Variants in CNTLN observed in about 807,000 individuals in gnomAD.
The protein encoded by CNTLN is centlein.
A neutral mutation model predicts 180.0 loss-of-function variants in CNTLN; 212 were observed. The observed-to-expected ratio is 1.18, with a 90% confidence interval of 1.05 to 1.32. The LOEUF (loss-of-function observed/expected upper bound fraction) is 1.32. Ranked by LOEUF, CNTLN falls within the 40% of genes most tolerant of loss-of-function variation. The probability of loss-of-function intolerance (pLI) is 0.00; values close to 1 mark genes in which losing one functional copy is unlikely to be tolerated. For missense variants in CNTLN, 2,095 were observed against 1,610.9 expected (o/e 1.30, Z -5.14); for synonymous variants, 722 against 563.1 (o/e 1.28, Z -3.99).
At chr9:17,220,091 T>TA (rs1824031061) in intron 2 of CNTLN, among the ~76,000 whole-genome samples, 1 of 152,096 alleles carries the variant, frequency 6.6e-6, no homozygotes, top group Non-Finnish European at 1.5e-5. Flanking sequence ...CCCCCACTCT[T>TA]ACAGTTCTTG....
intron 2 of CNTLN, among the ~76,000 whole-genome samples, chr9:17,212,998 A>G (rs1278808761): frequency 6.6e-6 from 1 of 152,126 alleles, no homozygotes; most frequent in Non-Finnish European, 1.5e-5. Flanking sequence ...ATCTTTTCAA[A>G]AAACCAGCTG....
In CNTLN at chr9:17,298,302, C is replaced by T; in HGVS notation, c.1096C>T (p.Leu366=). 1 of 1,613,222 alleles carries T rather than the reference C, an allele frequency of 6.2e-7. No homozygotes were observed. Among genetic ancestry groups the T allele is most frequent in the Non-Finnish European group, 8.5e-7 (1 of 1,179,706 alleles). ...TCTCAATATGGACACACAAAAAGTACTGAGAAATCAGGAAGATGTTCACAC... is the reference window on the plus strand; with the variant it reads ...TCTCAATATGGACACACAAAAAGTATTGAGAAATCAGGAAGATGTTCACAC... ...QVLNMDTQKV[L]RNQEDVHTAE... is the part of the protein sequence containing the mutation. Residue 366 remains leucine, a synonymous_variant, in exon 7 of 26, where the codon CTG becomes TTG. Coordinates refer to ENST00000380647, the MANE Select transcript of CNTLN (RefSeq NM_017738.4).
At chr9:17,205,600 A>T (rs114837862) in intron 2 of CNTLN, among the ~76,000 whole-genome samples, 2 of 152,174 alleles carry the variant, frequency 1.3e-5, no homozygotes, top group Non-Finnish European at 2.9e-5. Flanking sequence ...AGCTGGCTGA[A>T]CTAGTAGTGG....
At position 17,411,018 on chromosome 9, in the gene CNTLN, TTCTACAAAA is replaced by T. The variant is rs144609403; in HGVS notation, c.2796+1546_2796+1554del. Among the ~76,000 whole-genome samples the T allele has an allele frequency of 8.4e-3, 1,277 of 152,258 alleles. 13 individuals carry two copies. Among genetic ancestry groups the T allele is most frequent in the African/African-American group, 0.028 (1,177 of 41,542 alleles). ...AAAATGAATTTAAAATCAGCTTAAG[TTCTACAAAA>T]ACTTTTTTTGGGATTTTGATAGTGA... On this transcript the variant is annotated intron_variant, in intron 16 of 25. Transcript: ENST00000380647.
chr9:17,317,505 AAAC>A, intron 8 of CNTLN, among the ~76,000 whole-genome samples: 1 of 152,292 alleles, frequency 6.6e-6, no homozygotes, highest in South Asian at 2.1e-4. Context: ...TTAGGGAACA[AAAC>A]AAGGCCTTTG....
intron 2 of CNTLN, among the ~76,000 whole-genome samples, chr9:17,178,367 C>T (rs907171059): frequency 1.2e-4 from 18 of 152,348 alleles, no homozygotes; most frequent in African/African-American, 4.1e-4. Flanking sequence ...ATCCCGCACC[C>T]GGGCCGCAGG....
intron 23 of CNTLN, among the ~76,000 whole-genome samples, chr9:17,473,427 G>T (rs986005250): frequency 5.9e-5 from 9 of 151,794 alleles, no homozygotes; most frequent in Non-Finnish European, 1.3e-4. Context: ...TATTGGGAAT[G>T]AACCATCTGC....
intron 15 of CNTLN, among the ~76,000 whole-genome samples, chr9:17,398,894 A>G (rs1271727054): frequency 6.6e-6 from 1 of 152,228 alleles, no homozygotes; most frequent in African/African-American, 2.4e-5. Flanking sequence ...TAAAAGCAGT[A>G]CATACATTTA....
chr9:17,498,306 A>C (rs1319720198), intron 25 of CNTLN, among the ~76,000 whole-genome samples: 1 of 152,162 alleles, frequency 6.6e-6, no homozygotes, highest in African/African-American at 2.4e-5. Flanking sequence ...AAGCATCTGC[A>C]GTCATCATTT....
chr9:17,304,772 T>C (rs1438504138), intron 7 of CNTLN, among the ~76,000 whole-genome samples: 1 of 152,120 alleles, frequency 6.6e-6, no homozygotes, highest in African/African-American at 2.4e-5. Context: ...TTACATAGTG[T>C]TTACATTGTA....
At chr9:17,384,874 A>T (rs185753978) in intron 13 of CNTLN, among the ~76,000 whole-genome samples, 1 of 152,062 alleles carries the variant, frequency 6.6e-6, no homozygotes, top group Non-Finnish European at 1.5e-5. Context: ...CTAAACTCCA[A>T]TTGGGCAATT....
intron 6 of CNTLN, among the ~76,000 whole-genome samples, chr9:17,275,937 C>A (rs933579599): frequency 1.3e-5 from 2 of 151,976 alleles, no homozygotes; most frequent in African/African-American, 4.8e-5. Context: ...ACATTGGGTA[C>A]CCATCGACAT....
chr9:17,194,378 G>A (rs1430036674), intron 2 of CNTLN, among the ~76,000 whole-genome samples: 1 of 152,136 alleles, frequency 6.6e-6, no homozygotes, highest in Non-Finnish European at 1.5e-5. Context: ...CCTCTTGAAT[G>A]CTTTGCTGCT....
chr9:17,170,895 A>G (rs1204477024), intron 2 of CNTLN, among the ~76,000 whole-genome samples: 1 of 152,110 alleles, frequency 6.6e-6, no homozygotes, highest in African/African-American at 2.4e-5. Flanking sequence ...ACATGCACAA[A>G]TACTTACCAT....
chr9:17,149,504 C>G (rs1373350709), intron 2 of CNTLN, among the ~76,000 whole-genome samples: 1 of 137,502 alleles, frequency 7.3e-6, no homozygotes, highest in Non-Finnish European at 1.6e-5. Context: ...TTTTTATTTT[C>G]TTTCTTTCTT....
At chr9:17,301,007 A>G (rs1444003159) in intron 7 of CNTLN, 2 of 984,376 alleles carry the variant, frequency 2.0e-6, no homozygotes, top group African/African-American at 1.7e-5. Flanking sequence ...AGAATGATGT[A>G]TGTTGTAATA....
At chr9:17,473,494 C>T (rs903646587) in intron 23 of CNTLN, among the ~76,000 whole-genome samples, 14 of 151,824 alleles carry the variant, frequency 9.2e-5, no homozygotes, top group Admixed American at 2.0e-4. Flanking sequence ...TCCTCATATT[C>T]GCAAGGACTT....
intron 25 of CNTLN, among the ~76,000 whole-genome samples, chr9:17,490,723 T>A (rs566806060): frequency 5.9e-5 from 9 of 152,176 alleles, no homozygotes; most frequent in Admixed American, 3.9e-4. Flanking sequence ...AGTTTTGCTA[T>A]GTGAATTTTA....
At chr9:17,337,924 A>C (rs1166515188) in intron 10 of CNTLN, among the ~76,000 whole-genome samples, 7 of 152,164 alleles carry the variant, frequency 4.6e-5, no homozygotes, top group African/African-American at 1.7e-4. Flanking sequence ...TTCCCCAAAC[A>C]GTTTATATAT....
Sources: allele counts gnomAD v4.1 joint callset (sites outside exome capture counted in the v4.1 genomes callset), GRCh38; gene constraint gnomAD v4.1.1; transcripts MANE v1.5; gene names NCBI Gene and HGNC (gene_info 2026-07-23, HGNC 2026-07-21).